The following DCBLD2 variants were observed in gnomAD, a reference collection of about 807,000 sequenced individuals.
DCBLD2 encodes the protein discoidin, CUB and LCCL domain containing 2.
A neutral mutation model predicts 86.8 loss-of-function variants in DCBLD2; 54 were observed. That is an observed-to-expected ratio of 0.62 (90% CI 0.50 to 0.78). The LOEUF is 0.78. Ranked by LOEUF, DCBLD2 falls within the 30% of genes least tolerant of loss-of-function variation. The pLI is 0.00. For synonymous variants in DCBLD2, 354 were observed against 341.3 expected, an observed-to-expected ratio of 1.04 and a Z score of -0.41; for missense variants, 908 against 954.2, an observed-to-expected ratio of 0.95 and a Z score of 0.64.
At chr3:98,890,078 G>A (rs1269557434) in intron 1 of DCBLD2, among the ~76,000 whole-genome samples, 6 of 151,892 alleles carry the variant, frequency 4.0e-5, no homozygotes, top group African/African-American at 7.3e-5. Context: ...TGCAATTCAC[G>A]TTCAAGACTG....
rs749511785 is a variant in DCBLD2 at position 98,800,636 on chromosome 3, C to T, written c.1801G>A (p.Glu601Lys). Residue 601 changes from glutamate (E) to lysine (K), a missense_variant, in exon 15 of 16, where the codon GAA (glutamate) becomes AAA (lysine). Physicochemically the swap from Glu to Lys is moderately conservative, Grantham distance 56. This residue lies in a region of DCBLD2 where 606 missense variants were observed against 678.5 expected (regional missense o/e 0.89). Transcript: ENST00000326840. ...EETPVRYSSS[E>K]VNHLSPREVT... ...TCTCTTGGACTCAGGTGATTAACTT[C>T]GCTGCTGCTATAGCGAACTGGGGTT... The T allele has an allele frequency of 4.8e-5, 78 of 1,613,794 alleles. No individual in the cohort carries two copies. The highest frequency in any genetic ancestry group is 1.9e-4 in the African/African-American group (14 of 74,918).
At chr3:98,819,839 A>T (rs1430572403) in intron 7 of DCBLD2, among the ~76,000 whole-genome samples, 2 of 152,188 alleles carry the variant, frequency 1.3e-5, no homozygotes, top group African/African-American at 4.8e-5. Context: ...GTACATTATA[A>T]ACAGAAATTT....
intron 1 of DCBLD2, among the ~76,000 whole-genome samples, chr3:98,897,899 T>G (rs900024644): frequency 6.6e-6 from 1 of 152,072 alleles, no homozygotes; most frequent in African/African-American, 2.4e-5. Context: ...CCCAAATTCC[T>G]ACAGTCATAA....
At chr3:98,811,392 T>C in intron 11 of DCBLD2, 73 bp from the exon 12 acceptor site, 1 of 1,611,978 alleles carries the variant, frequency 6.2e-7, no homozygotes, top group Admixed American at 1.7e-5. Flanking sequence ...TATTTGATAA[T>C]GCTTTTAATA....
rs552052449 is a variant in DCBLD2 at position 98,880,587 on chromosome 3, T to C, written c.433+953A>G. On this transcript the variant is annotated intron_variant, in intron 2 of 15. Transcript: ENST00000326840. ...TAGGATGGTAACTGGGTTTATGGTATTGTTTACTACTTAGGTGGCTCTAAT... is the reference window on the plus strand; with the variant it reads ...TAGGATGGTAACTGGGTTTATGGTACTGTTTACTACTTAGGTGGCTCTAAT... 2.0e-5 allele frequency among the ~76,000 whole-genome samples: 3 copies of C among 152,232 alleles called. No homozygotes were observed. In the East Asian group the frequency reaches 5.8e-4, roughly 30 times the overall value.
At chr3:98,887,575 C>T (rs574600542) in intron 1 of DCBLD2, among the ~76,000 whole-genome samples, 70 of 152,016 alleles carry the variant, frequency 4.6e-4, no homozygotes, top group African/African-American at 1.7e-3. Flanking sequence ...ACAGTGACTC[C>T]AGTCTTCTTT....
chr3:98,849,481 T>A lies in DCBLD2; in HGVS notation c.551A>T (p.Tyr184Phe). 1.9e-6 allele frequency: 3 copies of A among 1,613,892 alleles called. No individual in the cohort carries two copies. Among genetic ancestry groups the A allele is most frequent in the Non-Finnish European group, 2.5e-6 (3 of 1,179,868 alleles). Residue 184 changes from tyrosine (Y) to phenylalanine (F), a missense_variant, in exon 3 of 16, where the codon TAC (tyrosine) becomes TTC (phenylalanine). This residue lies in a region of DCBLD2 where 294 missense variants were observed against 256.0 expected (regional missense o/e 1.15). Coordinates refer to ENST00000326840, the MANE Select transcript of DCBLD2 (RefSeq NM_080927.4). ...HVSGRGFLAS[Y>F]SVIDKQDLIT... ...ATTACCTTGTTTATCTATAACAGAG[T>A]ATGAGGCCAAAAATCCGCGTCCAGA...
intron 9 of DCBLD2, chr3:98,816,053 G>A (rs1576160331): frequency 6.9e-6 from 1 of 144,126 alleles, no homozygotes; most frequent in African/African-American, 2.5e-5. Context: ...AAAAAAAGAA[G>A]AAAAATATAA....
rs1309684655 is a variant in DCBLD2, at chr3:98,812,462, A to G, written c.1233T>C (p.Asp411=). 6.2e-7 allele frequency: 1 copy of G among 1,612,970 alleles called. No individual in the cohort carries two copies. Among genetic ancestry groups the G allele is most frequent in the Non-Finnish European group, 8.5e-7 (1 of 1,179,456 alleles). ...EQDKIFQGNK[D]YHQDVRNNFL... ...AGTTATTACGCACATCCTGGTGATA[A>G]TCTTTGTTTCCTTGAAATATCTTTA... is the stretch of plus-strand genomic sequence containing the variant. The change falls in exon 10 of 16, where the codon GAT becomes GAC. Residue 411 remains aspartate, a synonymous_variant. Transcript: ENST00000326840.
intron 13 of DCBLD2, chr3:98,805,002 T>A (rs548356586): frequency 4.6e-5 from 7 of 152,286 alleles, no homozygotes; most frequent in Non-Finnish European, 8.8e-5. Flanking sequence ...CTTCATGAAT[T>A]TGCGTGTCAT....
chr3:98,836,812 C>T (rs1398816971), intron 3 of DCBLD2, among the ~76,000 whole-genome samples: 2 of 62,008 alleles, frequency 3.2e-5, no homozygotes, highest in African/African-American at 5.7e-5. Context: ...GGTGGCTGGC[C>T]GGGCAGGGGG....
rs769172719 is a variant in DCBLD2, at chr3:98,811,298, T to C, written c.1472A>G (p.Gln491Arg). 1 of 1,612,570 alleles carries C rather than the reference T, an allele frequency of 6.2e-7. No homozygotes were observed. Among genetic ancestry groups the C allele is most frequent in the Non-Finnish European group, 8.5e-7 (1 of 1,179,372 alleles). The part of the protein sequence containing the change: ...IAKGRAPKFT[Q>R]PLQPRSSNEF... ...ATTGCTACTGCGAGGTTGTAGTGGT[T>C]GCGTAAATTTTGGGGCACGACCTTT... The change falls in exon 12 of 16, where the codon CAA (glutamine) becomes CGA (arginine). Residue 491 changes from glutamine (Q) to arginine (R), a missense_variant. Gln to Arg is a conservative substitution (Grantham distance 43). Coordinates refer to ENST00000326840, the MANE Select transcript of DCBLD2 (RefSeq NM_080927.4).
At chr3:98,817,743 T>A (rs1241093652) in intron 9 of DCBLD2, 26 bp downstream of exon 9, 3 of 1,610,368 alleles carry the variant, frequency 1.9e-6, no homozygotes, top group Non-Finnish European at 2.5e-6. Context: ...AAATGTTTTT[T>A]AAAAATACCT....
intron 3 of DCBLD2, among the ~76,000 whole-genome samples, chr3:98,844,712 C>A (rs1258568757): frequency 6.6e-6 from 1 of 152,046 alleles, no homozygotes; most frequent in Non-Finnish European, 1.5e-5. Context: ...TGAGTCTGGA[C>A]CTTACTGTGG....
At chr3:98,824,674 T>C (rs992419097) in intron 4 of DCBLD2, among the ~76,000 whole-genome samples, 1 of 152,028 alleles carries the variant, frequency 6.6e-6, no homozygotes, top group Non-Finnish European at 1.5e-5. Flanking sequence ...CATTTCAATA[T>C]GGAGAACATA....
chr3:98,841,832 G>A (rs1942626812), intron 3 of DCBLD2, among the ~76,000 whole-genome samples: 1 of 152,180 alleles, frequency 6.6e-6, no homozygotes, highest in African/African-American at 2.4e-5. Context: ...GGAGGCCGAG[G>A]CAGGCAGATC....
chr3:98,853,422 C>T (rs1169695036), intron 2 of DCBLD2, among the ~76,000 whole-genome samples: 1 of 152,256 alleles, frequency 6.6e-6, no homozygotes, highest in Non-Finnish European at 1.5e-5. Flanking sequence ...CAGTTTGCCA[C>T]AGCCCTATCA....
At chr3:98,833,979 A>G (rs557230011) in intron 3 of DCBLD2, among the ~76,000 whole-genome samples, 3 of 152,268 alleles carry the variant, frequency 2.0e-5, no homozygotes, top group African/African-American at 7.2e-5. Flanking sequence ...CCACTTTTCC[A>G]TGACTACTCC....
intron 6 of DCBLD2, chr3:98,821,334 A>T (rs923358692): frequency 2.0e-5 from 3 of 152,190 alleles, no homozygotes; most frequent in Non-Finnish European, 1.5e-5. Context: ...ATTTATAAAA[A>T]CAGATTGCTA....
Sources: gnomAD v4.1 joint callset for allele counts (sites outside exome capture counted in the v4.1 genomes callset) on GRCh38, gnomAD v4.1.1 for gene constraint, gnomAD v4.1.1 regional missense constraint, MANE v1.5 for transcripts, NCBI Gene and HGNC (gene_info 2026-07-23, HGNC 2026-07-21) for gene names.